Variants in ZNF229 observed in about 807,000 individuals in gnomAD.
ZNF229 encodes the protein zinc finger protein 229.
ZNF229 carries 10 observed loss-of-function variants against 11.8 expected under a neutral mutation model. The observed-to-expected ratio is 0.85, with a 90% confidence interval of 0.52 to 1.44. ZNF229 has a LOEUF of 1.44. Among genes scored for constraint, ZNF229 ranks in the 40% most tolerant of loss-of-function variants. ZNF229 has a pLI of 0.00. For synonymous variants in ZNF229, 368 were observed against 374.8 expected (o/e 0.98, Z 0.21); for missense variants, 1,045 against 1,015.1 (o/e 1.03, Z -0.40).
rs776633772 is a variant in ZNF229 at position 44,432,279 on chromosome 19, C to G, written c.181G>C (p.Asp61His). 22 of 1,613,952 alleles carry G rather than the reference C, an allele frequency of 1.4e-5. No homozygotes were observed. Among genetic ancestry groups the G allele is most frequent in the Non-Finnish European group, 1.9e-5 (22 of 1,179,986 alleles). ...LDSTQRQLYQ[D>H]VMQENFRNLL... ...TTCCTGAAATTCTCCTGCATCACAT[C>G]TTGGTACAGCTGCCTCTGGGTAGAG... The change falls in exon 5 of 6, where the codon GAT (aspartate) becomes CAT (histidine). Residue 61 changes from aspartate (D) to histidine (H), a missense_variant. Coordinates refer to ENST00000614049, the MANE Select transcript of ZNF229 (RefSeq NM_014518.4).
At chr19:44,440,168 C>T (rs1381330412) in intron 4 of ZNF229, among the ~76,000 whole-genome samples, 1 of 151,684 alleles carries the variant, frequency 6.6e-6, no homozygotes, top group Non-Finnish European at 1.5e-5. Flanking sequence ...AAAATCGCAG[C>T]TAGGATTGGA....
At chr19:44,433,943 A>G (rs1971769024) in intron 4 of ZNF229, among the ~76,000 whole-genome samples, 1 of 151,870 alleles carries the variant, frequency 6.6e-6, no homozygotes, top group South Asian at 2.1e-4. Flanking sequence ...ATTTTTTTGT[A>G]TTTTTAATAC....
rs148476213 is a variant in ZNF229 at position 44,440,212 on chromosome 19, A to G, written c.93+2351T>C. ...ACAACTTAGAGCTTAGCCTAAACAGATGAATGAACATCCAAGAAGAAAGAA... is the reference window on the plus strand; with the variant it reads ...ACAACTTAGAGCTTAGCCTAAACAGGTGAATGAACATCCAAGAAGAAAGAA... On this transcript the variant is annotated intron_variant, in intron 4 of 5. Transcript: ENST00000614049. Among the ~76,000 whole-genome samples, 326 of 152,264 alleles carry G rather than the reference A, an allele frequency of 2.1e-3. 1 individual carries two copies. Among genetic ancestry groups the G allele is most frequent in the African/African-American group, 7.4e-3 (309 of 41,570 alleles).
In ZNF229 at chr19:44,448,441, C is replaced by G. The variant is rs1395619114; in HGVS notation, c.-398G>C. ...CGCATGGAGATGCACGTCTCTAAGA[C>G]GCCTCACCACTGCCTAAGAAGCAAT... On this transcript the variant is annotated 5_prime_UTR_variant, in exon 1 of 6. Transcript: ENST00000614049. The G allele has an allele frequency of 2.6e-5, 4 of 152,216 alleles. No individual in the cohort carries two copies. The East Asian group carries it at 5.8e-4, about 22-fold the overall frequency. 9.4% of individuals were successfully genotyped at this position (152,216 alleles called of 1,614,324 possible). A position where few individuals can be genotyped will look rare whatever the true frequency, so the allele number is the denominator to read the frequency against.
chr19:44,444,080 C>T (rs1023147932), intron 2 of ZNF229, among the ~76,000 whole-genome samples: 1 of 152,136 alleles, frequency 6.6e-6, no homozygotes, highest in Non-Finnish European at 1.5e-5. Flanking sequence ...CCTTTCATGG[C>T]TCTGGCACAC....
rs1324989537 is a variant in ZNF229, at chr19:44,448,357, T to C, written c.-314A>G. The C allele has an allele frequency of 6.6e-6, 1 of 152,404 alleles. No individual in the cohort carries two copies. Among genetic ancestry groups the C allele is most frequent in the Non-Finnish European group, 1.5e-5 (1 of 68,170 alleles). The allele number at this position is 152,404 out of a possible 1,614,324, so 9.4% of individuals were successfully genotyped here. A position where few individuals can be genotyped will look rare whatever the true frequency, so the allele number is the denominator to read the frequency against. On this transcript the variant is annotated 5_prime_UTR_variant, in exon 1 of 6. Transcript: ENST00000614049. ...TGGGCTTCGACCCTCCGCCGCACGTTGTCCCTTCACACTGGTCCTATAGAG... is the reference window on the plus strand; with the variant it reads ...TGGGCTTCGACCCTCCGCCGCACGTCGTCCCTTCACACTGGTCCTATAGAG...
chr19:44,445,816 G>T (rs1386477623), intron 2 of ZNF229, among the ~76,000 whole-genome samples: 2 of 152,170 alleles, frequency 1.3e-5, no homozygotes, highest in African/African-American at 4.8e-5. Context: ...ATATTTAAAT[G>T]GGAGAACGGG....
At chr19:44,432,581 T>C (rs1436103693) in intron 4 of ZNF229, among the ~76,000 whole-genome samples, 1 of 151,642 alleles carries the variant, frequency 6.6e-6, no homozygotes, top group Admixed American at 6.6e-5. Flanking sequence ...CAGCAAACTA[T>C]CGCAAGGACA....
intron 4 of ZNF229, among the ~76,000 whole-genome samples, chr19:44,437,157 T>C (rs1971829418): frequency 2.0e-5 from 3 of 152,072 alleles, no homozygotes; most frequent in Admixed American, 2.0e-4. Context: ...ACCTTGCTGA[T>C]GAGAAAAACA....
At chr19:44,436,932 T>C (rs1030900649) in intron 4 of ZNF229, among the ~76,000 whole-genome samples, 7 of 151,872 alleles carry the variant, frequency 4.6e-5, no homozygotes, top group South Asian at 2.1e-4. Flanking sequence ...TATATATATA[T>C]ATTTTATATA....
In ZNF229 at chr19:44,429,143, T is replaced by C; in HGVS notation, c.1638A>G (p.Lys546=). 1 of 1,612,070 alleles carries C rather than the reference T, an allele frequency of 6.2e-7. No homozygotes were observed. Among genetic ancestry groups the C allele is most frequent in the Non-Finnish European group, 8.5e-7 (1 of 1,179,334 alleles). ...QRLHTGEKPY[K]CECGKSFGRS... Reference sequence around the variant, plus strand: ...GGCCAAAGCTCTTCCCGCACTCGCATTTGTAGGGTTTCTCTCCTGTGTGCA... The same window carrying C: ...GGCCAAAGCTCTTCCCGCACTCGCACTTGTAGGGTTTCTCTCCTGTGTGCA... The change falls in exon 6 of 6, where the codon AAA becomes AAG. Residue 546 remains lysine, a synonymous_variant. Coordinates refer to ENST00000614049, the MANE Select transcript of ZNF229 (RefSeq NM_014518.4).
intron 5 of ZNF229, 65 bp downstream of exon 5, chr19:44,432,157 T>TA: frequency 1.3e-6 from 2 of 1,545,338 alleles, no homozygotes; most frequent in Non-Finnish European, 8.7e-7. Flanking sequence ...TTAACCTGTG[T>TA]AAAAAAGCCA....
At position 44,429,355 on chromosome 19, in the gene ZNF229, G is replaced by A. The variant is rs757266861; in HGVS notation, c.1426C>T (p.Leu476Phe). The A allele has an allele frequency of 5.0e-6, 8 of 1,614,054 alleles. No individual in the cohort carries two copies. In the South Asian group the frequency reaches 5.5e-5, roughly 11 times the overall value. Reference sequence around the variant, plus strand: ...GTGTGTGTCTTCTGATGACTGCTGAGGTGGGAGCTGCAGCTGAATCCCTTT... The same window carrying A: ...GTGTGTGTCTTCTGATGACTGCTGAAGTGGGAGCTGCAGCTGAATCCCTTT... ...CGKGFSCSSH[L>F]SSHQKTHTGE... Residue 476 changes from leucine (L) to phenylalanine (F), a missense_variant, in exon 6 of 6, where the codon CTC (leucine) becomes TTC (phenylalanine). Coordinates refer to ENST00000614049, the MANE Select transcript of ZNF229 (RefSeq NM_014518.4).
chr19:44,448,178 CT>C (rs1274624949), intron 1 of ZNF229, 130 bp downstream of exon 1: 1 of 152,230 alleles, frequency 6.6e-6, no homozygotes, highest in Non-Finnish European at 1.5e-5. Flanking sequence ...CACTGCAGAT[CT>C]CATCTCAAAG....
At position 44,428,769 on chromosome 19, in the gene ZNF229, A is replaced by AG. The variant is rs1382848107; in HGVS notation, c.2011dup (p.Leu671ProfsTer17). The AG allele has an allele frequency of 6.2e-7, 1 of 1,613,314 alleles. No individual in the cohort carries two copies. Among genetic ancestry groups the AG allele is most frequent in the Non-Finnish European group, 8.5e-7 (1 of 1,179,476 alleles). ...CGTGTGGACTCGCTGATGTTTGTGA[A>AG]GGCTTGATGTGCACCTAAAGCCCTT... On this transcript the variant is annotated frameshift_variant, in exon 6 of 6. Transcript: ENST00000614049. LOFTEE classifies it low-confidence loss of function (END_TRUNC).
rs1971600051 is a variant in ZNF229 at position 44,427,547 on chromosome 19, A to G, written c.*756T>C. 1 of 152,146 alleles carries G rather than the reference A, an allele frequency of 6.6e-6. No individual in the cohort carries two copies. The allele number at this position is 152,146 out of a possible 1,614,324, so 9.4% of individuals were successfully genotyped here. Reference sequence around the variant, plus strand: ...GTGAAAAAAAATCAGCATTTCAAAGACGCCACATTCTTTCAAAATTAACCT... The same window carrying G: ...GTGAAAAAAAATCAGCATTTCAAAGGCGCCACATTCTTTCAAAATTAACCT... On this transcript the variant is annotated 3_prime_UTR_variant, in exon 6 of 6. Coordinates refer to ENST00000614049, the MANE Select transcript of ZNF229 (RefSeq NM_014518.4).
chr19:44,429,436 G>A lies in ZNF229; in HGVS notation c.1345C>T (p.His449Tyr). The change falls in exon 6 of 6, where the codon CAC (histidine) becomes TAC (tyrosine). Residue 449 changes from histidine (H) to tyrosine (Y), a missense_variant. Coordinates refer to ENST00000614049, the MANE Select transcript of ZNF229 (RefSeq NM_014518.4). ...GKGFCAKSAL[H>Y]KHQHIHPGEK... The stretch of plus-strand genomic sequence containing the variant: ...CCAGGGTGAATGTGCTGGTGTTTGT[G>A]CAGTGCAGACTTGGCACAGAAGCCT... The A allele has an allele frequency of 6.2e-7, 1 of 1,613,850 alleles. No individual in the cohort carries two copies. The highest frequency in any genetic ancestry group is 8.5e-7 in the Non-Finnish European group (1 of 1,179,982).
rs1423235097 is a variant in ZNF229 at position 44,429,755 on chromosome 19, G to A, written c.1026C>T (p.Ala342=). The part of the protein sequence containing the change: ...QNTHIRNHPR[A]PVGDMPYRCD... ...ATCTATAGGGCATGTCTCCCACAGGGGCTCTGGGGTGGTTACGTATGTGCG... is the reference window on the plus strand; with the variant it reads ...ATCTATAGGGCATGTCTCCCACAGGAGCTCTGGGGTGGTTACGTATGTGCG... The change falls in exon 6 of 6, where the codon GCC becomes GCT. Residue 342 remains alanine, a synonymous_variant. Transcript: ENST00000614049. The A allele has an allele frequency of 6.2e-6, 10 of 1,614,046 alleles. No individual in the cohort carries two copies. Among genetic ancestry groups the A allele is most frequent in the Non-Finnish European group, 8.5e-6 (10 of 1,179,996 alleles).
intron 4 of ZNF229, among the ~76,000 whole-genome samples, chr19:44,434,569 GATC>G (rs1971779465): frequency 6.6e-6 from 1 of 151,702 alleles, no homozygotes; most frequent in East Asian, 1.9e-4. Flanking sequence ...GCAATACAGT[GATC>G]ATCAAAATAT....
Sources: gnomAD v4.1 joint callset for allele counts (sites outside exome capture counted in the v4.1 genomes callset) on GRCh38, gnomAD v4.1.1 for gene constraint, MANE v1.5 for transcripts, NCBI Gene and HGNC (gene_info 2026-07-23, HGNC 2026-07-21) for gene names.